USP5: variants seen among roughly 807,000 people sequenced by gnomAD.
USP5 encodes the protein ubiquitin carboxyl-terminal hydrolase 5.
In USP5, 24 loss-of-function variants were observed where a neutral mutation model predicts 102.5. That is an observed-to-expected ratio of 0.23 (90% CI 0.17 to 0.33). The LOEUF is 0.33. Among genes scored for constraint, USP5 ranks in the 10% least tolerant of loss-of-function variants. The pLI, the probability that USP5 is intolerant of heterozygous loss-of-function variation, is 1.00. For synonymous variants in USP5, 460 were observed against 434.8 expected (o/e 1.06, Z -0.72); for missense variants, 753 against 1,122.1 (o/e 0.67, Z 4.70).
In USP5 at chr12:6,861,433, C is replaced by A; in HGVS notation, c.1499-10C>A. On this transcript the variant is annotated splice_polypyrimidine_tract_variant and intron_variant, in intron 12 of 19. Transcript: ENST00000229268. This position sits in a 1 kb window ranked among gnomAD's most constrained non-coding sequence, Gnocchi z 4.9. ...CCTCCGAAGGATCCACCAACCCATT[C>A]TGTCACCAGAGGAGCTTCTGGAGTA... 1.3e-6 allele frequency: 2 copies of A among 1,557,018 alleles called. No individual in the cohort carries two copies. Among genetic ancestry groups the A allele is most frequent in the Non-Finnish European group, 1.7e-6 (2 of 1,144,730 alleles).
At position 6,863,373 on chromosome 12, in the gene USP5, G is replaced by A. The variant is rs146281303; in HGVS notation, c.1950G>A (p.Pro650=). 604 of 1,613,094 alleles carry A rather than the reference G, an allele frequency of 3.7e-4. 3 individuals carry two copies. The East Asian group carries it at 9.3e-3, about 25-fold the overall frequency. The change falls in exon 15 of 20, where the codon CCG becomes CCA. Residue 650 remains proline (P), a synonymous_variant. Coordinates refer to ENST00000229268, the MANE Select transcript of USP5 (RefSeq NM_001098536.2). The surrounding 1 kb of genome is among the most constrained non-coding windows in gnomAD (Gnocchi z 4.7). Reference sequence around the variant, plus strand: ...TCTGCTCCCCTCACTTCTCCTCTCCGACATGTTAGTGACTCTTCTTCCTGC... The same window carrying A: ...TCTGCTCCCCTCACTTCTCCTCTCCAACATGTTAGTGACTCTTCTTCCTGC... ...DSFCSPHFSS[P]TSPMLDESVI... is the part of the protein sequence containing the mutation.
In USP5 at chr12:6,858,541, A is replaced by G. The variant is rs1419034323; in HGVS notation, c.982A>G (p.Ile328Val). ...KPLFGPGYTG[I>V]RNLGNSCYLN... The stretch of plus-strand genomic sequence containing the variant: ...CCTGTTTGGGCCTGGCTACACAGGC[A>G]TCCGGAACCTGGGTAACAGCTGCTA... The change falls in exon 8 of 20, where the codon ATC (isoleucine) becomes GTC (valine). Residue 328 changes from isoleucine to valine, a missense_variant. Ile to Val is a conservative substitution (Grantham distance 29). Coordinates refer to ENST00000229268, the MANE Select transcript of USP5 (RefSeq NM_001098536.2). The surrounding 1 kb of genome is among the most constrained non-coding windows in gnomAD (Gnocchi z 4.2). 6.2e-7 allele frequency: 1 copy of G among 1,613,808 alleles called. No homozygotes were observed. The highest frequency in any genetic ancestry group is 8.5e-7 in the Non-Finnish European group (1 of 1,179,774).
At chr12:6,862,705 G>A in intron 14 of USP5, 147 bp downstream of exon 14, 2 of 669,722 alleles carry the variant, frequency 3.0e-6, no homozygotes, top group Non-Finnish European at 5.0e-6. Context: ...TAGTTTGAAA[G>A]CACTAACTAA....
chr12:6,864,932 C>T lies in USP5; in HGVS notation c.2398+57C>T. On this transcript the variant is annotated intron_variant, in intron 18 of 19. Coordinates refer to ENST00000229268, the MANE Select transcript of USP5 (RefSeq NM_001098536.2). This position sits in a 1 kb window ranked among gnomAD's most constrained non-coding sequence, Gnocchi z 4.8. ...GTGGAATCTGGTCAGTCTACTACAC[C>T]AGATCCCTCATTCAGGCAGCTCTGC... 6.4e-7 allele frequency: 1 copy of T among 1,573,540 alleles called. No individual in the cohort carries two copies. Among genetic ancestry groups the T allele is most frequent in the East Asian group, 2.3e-5 (1 of 44,200 alleles).
rs1944072258 is a variant in USP5 at position 6,855,216 on chromosome 12, ATGGGG to A, written c.112-184_112-180del. On this transcript the variant is annotated intron_variant, in intron 1 of 19. Coordinates refer to ENST00000229268, the MANE Select transcript of USP5 (RefSeq NM_001098536.2). This position sits in a 1 kb window ranked among gnomAD's most constrained non-coding sequence, Gnocchi z 4.6. The stretch of plus-strand genomic sequence containing the variant: ...GTTGTTATCAAAGTCATGGGAGGAA[ATGGGG>A]AGAATCTTAGCTATGTCCCAGGTCC... 3.9e-5 allele frequency among the ~76,000 whole-genome samples: 6 copies of A among 152,204 alleles called. No homozygotes were observed. The highest frequency in any genetic ancestry group is 7.2e-5 in the African/African-American group (3 of 41,446).
At chr12:6,857,178 C>T (rs1944141803) in intron 6 of USP5, among the ~76,000 whole-genome samples, 1 of 152,136 alleles carries the variant, frequency 6.6e-6, no homozygotes, top group Non-Finnish European at 1.5e-5. Context: ...CCTGTAGTCT[C>T]ACCTACTCAG....
intron 1 of USP5, among the ~76,000 whole-genome samples, 158 bp downstream of exon 1, chr12:6,852,448 CG>C (rs781992273): frequency 4.9e-4 from 75 of 152,400 alleles, no homozygotes; most frequent in African/African-American, 1.4e-3. Flanking sequence ...TCATTAACTG[CG>C]GCTGTCGTGT....
Position 6,864,115 on chromosome 12 carries a change from C to T in USP5, c.2164C>T (p.Pro722Ser), listed in dbSNP as rs782587305. 2 of 1,614,046 alleles carry T rather than the reference C, an allele frequency of 1.2e-6. No homozygotes were observed. Among genetic ancestry groups the T allele is most frequent in the South Asian group, 2.2e-5 (2 of 91,052 alleles). ...GGGCTCCACAAGCGCAGCAGCCGAC[C>T]CCCCTCCTGAGGACTGTGTGACCAC... ...GPGSTSAAAD[P>S]PPEDCVTTIV... The change falls in exon 17 of 20, where the codon CCC becomes TCC. Residue 722 changes from proline to serine, a missense_variant. Transcript: ENST00000229268. This position sits in a 1 kb window ranked among gnomAD's most constrained non-coding sequence, Gnocchi z 4.8.
rs1944176010 is a variant in USP5, at chr12:6,858,228, A to C, written c.865-196A>C. 6.6e-6 allele frequency among the ~76,000 whole-genome samples: 1 copy of C among 152,224 alleles called. No individual in the cohort carries two copies. The highest frequency in any genetic ancestry group is 1.5e-5 in the Non-Finnish European group (1 of 68,036). ...ATTCAAGCAGAGGCCCTGATGACTA[A>C]CGGGCCTCTGGGACAATTATGTGTG... On this transcript the variant is annotated intron_variant, in intron 7 of 19. Transcript: ENST00000229268. This position sits in a 1 kb window ranked among gnomAD's most constrained non-coding sequence, Gnocchi z 4.2.
In USP5 at chr12:6,856,671, C is replaced by G; in HGVS notation, c.585-36C>G. ...CTCTGCCACTCCCTCAAATCCCCGACCCACATTTCTGCTGATTCTCTTCTC... is the reference window on the plus strand; with the variant it reads ...CTCTGCCACTCCCTCAAATCCCCGAGCCACATTTCTGCTGATTCTCTTCTC... On this transcript the variant is annotated intron_variant, in intron 5 of 19. Coordinates refer to ENST00000229268, the MANE Select transcript of USP5 (RefSeq NM_001098536.2). This position sits in a 1 kb window ranked among gnomAD's most constrained non-coding sequence, Gnocchi z 5.6. 2 of 1,609,836 alleles carry G rather than the reference C, an allele frequency of 1.2e-6. No homozygotes were observed. Among genetic ancestry groups the G allele is most frequent in the Non-Finnish European group, 1.7e-6 (2 of 1,177,902 alleles).
At position 6,855,874 on chromosome 12, in the gene USP5, C is replaced by T; in HGVS notation, c.304+53C>T. ...TCCCTGAGCTGGTCTTTCTGGCTCTCAGCAGCACCAGGAAAGCCCCAAAGA... is the reference window on the plus strand; with the variant it reads ...TCCCTGAGCTGGTCTTTCTGGCTCTTAGCAGCACCAGGAAAGCCCCAAAGA... On this transcript the variant is annotated intron_variant, in intron 3 of 19. Coordinates refer to ENST00000229268, the MANE Select transcript of USP5 (RefSeq NM_001098536.2). The surrounding 1 kb of genome is among the most constrained non-coding windows in gnomAD (Gnocchi z 4.6). The T allele has an allele frequency of 6.2e-7, 1 of 1,612,232 alleles. No homozygotes were observed. Among genetic ancestry groups the T allele is most frequent in the South Asian group, 1.1e-5 (1 of 90,942 alleles).
chr12:6,856,340 C>G lies in USP5; in HGVS notation c.474C>G (p.Asp158Glu). The stretch of plus-strand genomic sequence containing the variant: ...CAGTGGAGGCCCTACTGTCGGCCGA[C>G]TCAGCCTCCCGCAAGCAGGAGGTGC... Reference protein sequence around the residue: ...TSAVEALLSADSASRKQEVQA... With the variant: ...TSAVEALLSAESASRKQEVQA... Residue 158 changes from aspartate (D) to glutamate (E), a missense_variant, in exon 5 of 20, where the codon GAC becomes GAG. Asp to Glu is a conservative substitution (Grantham distance 45, BLOSUM62 2). Coordinates refer to ENST00000229268, the MANE Select transcript of USP5 (RefSeq NM_001098536.2). This position sits in a 1 kb window ranked among gnomAD's most constrained non-coding sequence, Gnocchi z 5.6. 6.2e-7 allele frequency: 1 copy of G among 1,613,890 alleles called. No homozygotes were observed. The highest frequency in any genetic ancestry group is 8.5e-7 in the Non-Finnish European group (1 of 1,179,932).
chr12:6,865,325 A>G (rs1459091729), intron 19 of USP5, 77 bp downstream of exon 19: 20 of 1,347,154 alleles, frequency 1.5e-5, no homozygotes, highest in Non-Finnish European at 1.9e-5. Flanking sequence ...TCCTTGGGAT[A>G]GCTATGGGAG....
At position 6,861,786 on chromosome 12, in the gene USP5, G is replaced by A. The variant is rs1012497562; in HGVS notation, c.1673+169G>A. The stretch of plus-strand genomic sequence containing the variant: ...GGAACCAAGGGGCCCTGGTAGGGGG[G>A]ACACGGGTACTGACTCTATCTGTCA... On this transcript the variant is annotated intron_variant, in intron 13 of 19. Coordinates refer to ENST00000229268, the MANE Select transcript of USP5 (RefSeq NM_001098536.2). This position sits in a 1 kb window ranked among gnomAD's most constrained non-coding sequence, Gnocchi z 4.9. 1.3e-5 allele frequency among the ~76,000 whole-genome samples: 2 copies of A among 152,358 alleles called. No homozygotes were observed. The highest frequency in any genetic ancestry group is 2.9e-5 in the Non-Finnish European group (2 of 68,032).
Position 6,855,694 on chromosome 12 carries a change from C to T in USP5, c.238-61C>T, listed in dbSNP as rs1308125221. On this transcript the variant is annotated intron_variant, in intron 2 of 19. Transcript: ENST00000229268. The surrounding 1 kb of genome is among the most constrained non-coding windows in gnomAD (Gnocchi z 4.6). Reference sequence around the variant, plus strand: ...GAAGCACTACCTCCTTCCGTCCCTCCTCCCGACTTGTTCCTTCGCTCGTGC... The same window carrying T: ...GAAGCACTACCTCCTTCCGTCCCTCTTCCCGACTTGTTCCTTCGCTCGTGC... The T allele has an allele frequency of 6.2e-7, 1 of 1,609,908 alleles. No homozygotes were observed. The highest frequency in any genetic ancestry group is 8.5e-7 in the Non-Finnish European group (1 of 1,176,804).
chr12:6,860,880 C>T lies in USP5; in HGVS notation c.1345-73C>T. 6.3e-7 allele frequency: 1 copy of T among 1,580,884 alleles called. No homozygotes were observed. The highest frequency in any genetic ancestry group is 8.6e-7 in the Non-Finnish European group (1 of 1,159,784). On this transcript the variant is annotated intron_variant, in intron 11 of 19. Transcript: ENST00000229268. This position sits in a 1 kb window ranked among gnomAD's most constrained non-coding sequence, Gnocchi z 5.5. ...GGTAGTCTGCCTTCTCTCCCTGACT[C>T]TCCCATGAACCTTTCAGGCCCCATT...
At position 6,852,216 on chromosome 12, in the gene USP5, T is replaced by C. The variant is rs782137602; in HGVS notation, c.37T>C (p.Leu13=). The change falls in exon 1 of 20, where the codon TTA becomes CTA. Residue 13 remains leucine (L), a synonymous_variant. Coordinates refer to ENST00000229268, the MANE Select transcript of USP5 (RefSeq NM_001098536.2). ...GAGTGAGGAGGCGCTGCTGTCAGTA[T>C]TACCGACGATCCGGGTCCCTAAGGC... ...ELSEEALLSV[L]PTIRVPKAGD... is the part of the protein sequence containing the mutation. 3 of 1,613,136 alleles carry C rather than the reference T, an allele frequency of 1.9e-6. No individual in the cohort carries two copies. The highest frequency in any genetic ancestry group is 2.2e-5 in the East Asian group (1 of 44,834).
In USP5 at chr12:6,861,178, A is replaced by C; in HGVS notation, c.1498+72A>C. Reference sequence around the variant, plus strand: ...TCTAGGAGGAATGCTTGGGCACCTCATGGGAGCACAGCCCAGGGAATGCCC... The same window carrying C: ...TCTAGGAGGAATGCTTGGGCACCTCCTGGGAGCACAGCCCAGGGAATGCCC... On this transcript the variant is annotated intron_variant, in intron 12 of 19. Coordinates refer to ENST00000229268, the MANE Select transcript of USP5 (RefSeq NM_001098536.2). This position sits in a 1 kb window ranked among gnomAD's most constrained non-coding sequence, Gnocchi z 4.9. 1 of 1,585,690 alleles carries C rather than the reference A, an allele frequency of 6.3e-7. No individual in the cohort carries two copies.
rs948150070 is a variant in USP5 at position 6,864,004 on chromosome 12, G to C, written c.2098+31G>C. 6.3e-7 allele frequency: 1 copy of C among 1,580,950 alleles called. No individual in the cohort carries two copies. Among genetic ancestry groups the C allele is most frequent in the African/African-American group, 1.3e-5 (1 of 74,388 alleles). Reference sequence around the variant, plus strand: ...CTGGGGTGGGGAGCAGGGTGGGGCAGGGCCTCCATCCTCCCCCAAACACAT... The same window carrying C: ...CTGGGGTGGGGAGCAGGGTGGGGCACGGCCTCCATCCTCCCCCAAACACAT... On this transcript the variant is annotated intron_variant, in intron 16 of 19. Coordinates refer to ENST00000229268, the MANE Select transcript of USP5 (RefSeq NM_001098536.2). This position sits in a 1 kb window ranked among gnomAD's most constrained non-coding sequence, Gnocchi z 4.8.
Sources: gnomAD v4.1 joint callset for allele counts (sites outside exome capture counted in the v4.1 genomes callset) on GRCh38, gnomAD v4.1.1 for gene constraint, Gnocchi (gnomAD v3.1) non-coding constraint, MANE v1.5 for transcripts, NCBI Gene and HGNC (gene_info 2026-07-23, HGNC 2026-07-21) for gene names.